AGBL2: variants seen among roughly 807,000 people sequenced by gnomAD.
The protein encoded by AGBL2 is cytosolic carboxypeptidase 2.
AGBL2 carries 87 observed loss-of-function variants against 103.0 expected under a neutral mutation model. The ratio of observed to expected loss-of-function variants is 0.84; its 90% confidence interval spans 0.71 to 1.01. The LOEUF (loss-of-function observed/expected upper bound fraction) is 1.01. AGBL2 is among the 50% of genes least tolerant of loss of function. AGBL2 has a pLI of 0.00. For missense variants in AGBL2, 904 were observed against 1,023.5 expected, an observed-to-expected ratio of 0.88 and a Z score of 1.59; for synonymous variants, 335 against 356.7, an observed-to-expected ratio of 0.94 and a Z score of 0.69.
intron 4 of AGBL2, 27 bp downstream of exon 4, chr11:47,710,350 A>G (rs1235237838): frequency 6.2e-7 from 1 of 1,613,710 alleles, no homozygotes; most frequent in Non-Finnish European, 8.5e-7. Flanking sequence ...GAGGTTCTAG[A>G]GGTCACACAT....
intron 4 of AGBL2, among the ~76,000 whole-genome samples, chr11:47,707,213 G>T (rs1254755601): frequency 6.6e-6 from 1 of 151,916 alleles, no homozygotes; most frequent in Admixed American, 6.6e-5. Context: ...CTTTTGGGCT[G>T]GTGTAAGCAA....
intron 8 of AGBL2, among the ~76,000 whole-genome samples, chr11:47,693,313 C>T (rs1241452961): frequency 1.3e-5 from 2 of 152,140 alleles, no homozygotes; most frequent in Non-Finnish European, 2.9e-5. Context: ...AGGCGTGCAC[C>T]ACCCTGCCCG....
chr11:47,660,421 T>C (rs2097325088), intron 18 of AGBL2, 75 bp from the exon 19 acceptor site: 1 of 1,438,500 alleles, frequency 7.0e-7, no homozygotes, highest in Admixed American at 2.2e-5. Context: ...GGGTTGGGGT[T>C]GGCTTTACAA....
At chr11:47,695,910 A>G (rs1167655718) in intron 8 of AGBL2, among the ~76,000 whole-genome samples, 1 of 150,376 alleles carries the variant, frequency 6.6e-6, no homozygotes, top group African/African-American at 2.4e-5. Context: ...CACGCCTGTA[A>G]TCTCAGCACT....
chr11:47,690,798 C>T lies in AGBL2; in HGVS notation c.909G>A (p.Gln303=), dbSNP rs776577015. The T allele has an allele frequency of 3.1e-6, 5 of 1,613,934 alleles. No individual in the cohort carries two copies. The Admixed American group carries it at 6.7e-5, about 22-fold the overall frequency. The change falls in exon 10 of 19, where the codon CAG becomes CAA. Residue 303 remains glutamine, a synonymous_variant. Transcript: ENST00000525123. ...TGTTCTGAACACGAAAATAAAACCA[C>T]TGAGTGTGTTTGTTAGTGTAGAGGT... ...RTDLYTNKHT[Q]WFYFRVQNTR...
chr11:47,694,157 A>C (rs1223460700), intron 8 of AGBL2, among the ~76,000 whole-genome samples: 1 of 151,748 alleles, frequency 6.6e-6, no homozygotes, highest in East Asian at 1.9e-4. Context: ...TGATTTTTCC[A>C]CTGCACTCCA....
Position 47,701,694 on chromosome 11 carries a change from C to T in AGBL2, c.587-2141G>A, listed in dbSNP as rs542057029. 2.0e-5 allele frequency among the ~76,000 whole-genome samples: 3 copies of T among 151,800 alleles called. No individual in the cohort carries two copies. In the South Asian group the frequency reaches 6.3e-4, roughly 32 times the overall value. On this transcript the variant is annotated intron_variant, in intron 7 of 18. Transcript: ENST00000525123. ...ACTATTTAAAAATGAGCCAGGTGGC[C>T]GGGCACAGTGGCTTACACCTGTAAT...
chr11:47,674,287 C>T (rs915698978), intron 14 of AGBL2, among the ~76,000 whole-genome samples: 3 of 151,764 alleles, frequency 2.0e-5, no homozygotes, highest in African/African-American at 4.8e-5. Flanking sequence ...TTTGGCTGGG[C>T]GCGGTGGCTC....
At chr11:47,702,805 C>T (rs1048760694) in intron 7 of AGBL2, among the ~76,000 whole-genome samples, 22 of 151,730 alleles carry the variant, frequency 1.4e-4, no homozygotes, top group African/African-American at 5.3e-4. Flanking sequence ...ACCCGGGAGG[C>T]GGAGGTTGCA....
intron 8 of AGBL2, 148 bp from the exon 9 acceptor site, chr11:47,692,404 C>CTTTTTTTTTTTT (rs11286504): frequency 4.2e-5 from 4 of 96,152 alleles, no homozygotes; most frequent in Admixed American, 1.8e-4. Flanking sequence ...GACTTTTAAT[C>CTTTTTTTTTTTT]TTTTTTTTTT....
Position 47,694,146 on chromosome 11 carries a change from G to A in AGBL2, c.695-1890C>T, listed in dbSNP as rs2097458410. Reference sequence around the variant, plus strand: ...TGAGAGGTCGAGGCTGCAGTGATTTGTGATTTTTCCACTGCACTCCAGCTT... The same window carrying A: ...TGAGAGGTCGAGGCTGCAGTGATTTATGATTTTTCCACTGCACTCCAGCTT... On this transcript the variant is annotated intron_variant, in intron 8 of 18. Coordinates refer to ENST00000525123, the MANE Select transcript of AGBL2 (RefSeq NM_024783.4). Among the ~76,000 whole-genome samples, 3 of 151,848 alleles carry A rather than the reference G, an allele frequency of 2.0e-5. No individual in the cohort carries two copies. The South Asian group carries it at 6.2e-4, about 32-fold the overall frequency.
At chr11:47,695,175 C>G (rs2097462918) in intron 8 of AGBL2, among the ~76,000 whole-genome samples, 2 of 146,886 alleles carry the variant, frequency 1.4e-5, no homozygotes, top group Non-Finnish European at 3.0e-5. Flanking sequence ...AAAACAAAAA[C>G]AAAAACGCCA....
At chr11:47,696,071 A>G (rs1275244502) in intron 8 of AGBL2, among the ~76,000 whole-genome samples, 17 of 140,342 alleles carry the variant, frequency 1.2e-4, no homozygotes, top group Admixed American at 1.0e-3. Flanking sequence ...GGTGGCGCAC[A>G]CCTGTAATCC....
chr11:47,702,142 C>A (rs950559064), intron 7 of AGBL2, among the ~76,000 whole-genome samples: 1 of 152,104 alleles, frequency 6.6e-6, no homozygotes, highest in African/African-American at 2.4e-5. Context: ...CAGAACAAGA[C>A]CCTGTCTCAA....
chr11:47,710,693 C>T (rs2097534167), intron 3 of AGBL2, 182 bp from the exon 4 acceptor site: 4 of 724,948 alleles, frequency 5.5e-6, no homozygotes, highest in South Asian at 3.0e-5. Flanking sequence ...CATAATTATC[C>T]CCACCTTACA....
rs766357191 is a variant in AGBL2, at chr11:47,705,505, G to T, written c.400+16C>A. ...TACTAAAAACATAAAAATTAGCTGG[G>T]CGTGGTGGCACATGCCTGTAATCCC... On this transcript the variant is annotated intron_variant, in intron 6 of 18. Coordinates refer to ENST00000525123, the MANE Select transcript of AGBL2 (RefSeq NM_024783.4). 3.1e-6 allele frequency: 1 copy of T among 319,802 alleles called. No individual in the cohort carries two copies. The allele number at this position is 319,802 out of a possible 1,614,324, so 19.8% of individuals were successfully genotyped here.
At chr11:47,696,008 T>TAAAAAAAAAA (rs2097468933) in intron 8 of AGBL2, among the ~76,000 whole-genome samples, 2 of 2,664 alleles carry the variant, frequency 7.5e-4, no homozygotes, top group African/African-American at 1.3e-3. Flanking sequence ...GTACTAAAAA[T>TAAAAAAAAAA]ACAAAAAAAA....
chr11:47,670,236 G>A (rs762334497), intron 14 of AGBL2, among the ~76,000 whole-genome samples: 2 of 152,194 alleles, frequency 1.3e-5, no homozygotes, highest in Non-Finnish European at 2.9e-5. Flanking sequence ...CAGGTACTCT[G>A]AAGAAATGTA....
rs148645941 is a variant in AGBL2, at chr11:47,712,968, C to A, written c.97+1316G>T. ...GAGGCAGGAAAATCGCTTGACCCCG[C>A]GAGGTGGAAGTTGCAGCAAGCCTAG... is the stretch of plus-strand genomic sequence containing the variant. On this transcript the variant is annotated intron_variant, in intron 3 of 18. Transcript: ENST00000525123. Among the ~76,000 whole-genome samples, 3 of 151,022 alleles carry A rather than the reference C, an allele frequency of 2.0e-5. No individual in the cohort carries two copies. In the East Asian group the frequency reaches 5.9e-4, roughly 30 times the overall value.
Sources: allele counts gnomAD v4.1 joint callset (sites outside exome capture counted in the v4.1 genomes callset), GRCh38; gene constraint gnomAD v4.1.1; transcripts MANE v1.5; gene names NCBI Gene and HGNC (gene_info 2026-07-23, HGNC 2026-07-21).